Variants in CDC42BPA observed in about 807,000 individuals in gnomAD.
The protein encoded by CDC42BPA is CDC42 binding protein kinase alpha.
Under a neutral mutation model 223.5 loss-of-function variants are expected in CDC42BPA, and 80 were observed. That is an observed-to-expected ratio of 0.36 (90% confidence interval 0.30 to 0.43). The LOEUF (loss-of-function observed/expected upper bound fraction) is 0.43, where lower values mean the gene tolerates loss of function less well. Among genes scored for constraint, CDC42BPA ranks in the 20% least tolerant of loss-of-function variants. The probability of loss-of-function intolerance (pLI) is 1.00; values close to 1 mark genes in which losing one functional copy is unlikely to be tolerated. For missense variants in CDC42BPA, 1,743 were observed against 2,099.9 expected (o/e 0.83, Z 3.32); for synonymous variants, 694 against 718.6 (o/e 0.97, Z 0.55).
chr1:227,306,167 A>G (rs946289181), intron 1 of CDC42BPA, among the ~76,000 whole-genome samples: 1 of 141,210 alleles, frequency 7.1e-6, no homozygotes, highest in African/African-American at 2.6e-5. Context: ...GCTTCCTTCT[A>G]CAAAGGTCTT....
At chr1:227,277,727 G>A (rs78840620) in intron 1 of CDC42BPA, among the ~76,000 whole-genome samples, 2,349 of 152,138 alleles carry the variant, frequency 0.015, 54 homozygotes, top group African/African-American at 0.053. Flanking sequence ...AGAAAACTAG[G>A]AATAGATATA....
intron 34 of CDC42BPA, among the ~76,000 whole-genome samples, chr1:227,015,081 G>A (rs61834004): frequency 0.38 from 58,089 of 151,330 alleles, 11,638 homozygotes; most frequent in Non-Finnish European, 0.46. Context: ...TTAGCCTCCC[G>A]AGTAACCAGG....
chr1:226,990,918 G>C lies in CDC42BPA; in HGVS notation c.*3350C>G, dbSNP rs1279176479. 6.6e-6 allele frequency: 1 copy of C among 152,612 alleles called. No homozygotes were observed. The highest frequency in any genetic ancestry group is 2.4e-5 in the African/African-American group (1 of 41,454). 9.5% of individuals were successfully genotyped at this position (152,612 alleles called of 1,614,324 possible). A position where few individuals can be genotyped will look rare whatever the true frequency, so the allele number is the denominator to read the frequency against. ...CAATAATTGGCTGGAAAACCAAATA[G>C]ATGGGCTCCTTTTAGTTGTATCTCA... On this transcript the variant is annotated 3_prime_UTR_variant, in exon 37 of 37. Transcript: ENST00000366766.
intron 5 of CDC42BPA, among the ~76,000 whole-genome samples, chr1:227,193,334 A>G (rs1670078798): frequency 1.3e-5 from 2 of 152,064 alleles, no homozygotes; most frequent in South Asian, 4.1e-4. Flanking sequence ...TGCTGGGATT[A>G]CAAGCGTGAG....
chr1:227,130,057 G>A (rs540024677), intron 10 of CDC42BPA, among the ~76,000 whole-genome samples: 1 of 151,992 alleles, frequency 6.6e-6, no homozygotes, highest in South Asian at 2.1e-4. Flanking sequence ...AAAATACAAG[G>A]TTTTAAAAAA....
chr1:227,088,194 T>C (rs887302163), intron 16 of CDC42BPA, among the ~76,000 whole-genome samples: 1 of 152,238 alleles, frequency 6.6e-6, no homozygotes, highest in African/African-American at 2.4e-5. Flanking sequence ...TTTGACTTAG[T>C]TTCCTGATCT....
chr1:227,295,890 C>T (rs1223798416), intron 1 of CDC42BPA, among the ~76,000 whole-genome samples: 1 of 152,188 alleles, frequency 6.6e-6, no homozygotes, highest in Non-Finnish European at 1.5e-5. Flanking sequence ...GTACATCAAT[C>T]AGCCAGAACT....
rs369403944 is a variant in CDC42BPA at position 227,297,967 on chromosome 1, T to TATAC, written c.178+19037_178+19038insGTAT. 4.8e-3 allele frequency among the ~76,000 whole-genome samples: 628 copies of TATAC among 132,058 alleles called. 7 individuals carry two copies. The highest frequency in any genetic ancestry group is 5.7e-3 in the East Asian group (27 of 4,748). 86.6% of individuals were successfully genotyped at this position (132,058 alleles called of 152,430 possible). ...GTGTGTGTGTGTGTATATATACATA[T>TATAC]ACACACACACACACATATATACATA... On this transcript the variant is annotated intron_variant, in intron 1 of 36. Coordinates refer to ENST00000366766, the MANE Select transcript of CDC42BPA (RefSeq NM_001394014.1).
At chr1:227,017,259 A>C (rs45553032) in intron 32 of CDC42BPA, among the ~76,000 whole-genome samples, 32,964 of 151,964 alleles carry the variant, frequency 0.22, 3,825 homozygotes, top group African/African-American at 0.26. Flanking sequence ...CTTACAAAAT[A>C]TACTTTCACT....
chr1:227,080,543 C>G (rs1034144594), intron 17 of CDC42BPA, among the ~76,000 whole-genome samples: 1 of 152,084 alleles, frequency 6.6e-6, no homozygotes, highest in African/African-American at 2.4e-5. Context: ...AAAATACTCA[C>G]AAATACAGGA....
intron 14 of CDC42BPA, among the ~76,000 whole-genome samples, chr1:227,111,241 G>A (rs1448946998): frequency 2.6e-5 from 4 of 152,200 alleles, no homozygotes; most frequent in Admixed American, 2.6e-4. Flanking sequence ...AGATATAGCA[G>A]AGAAAACAGG....
intron 3 of CDC42BPA, among the ~76,000 whole-genome samples, chr1:227,202,874 G>T (rs1672033378): frequency 6.6e-6 from 1 of 151,980 alleles, no homozygotes; most frequent in Non-Finnish European, 1.5e-5. Flanking sequence ...AGGCTGAAGT[G>T]AGCTATGATC....
At chr1:227,043,852 A>C (rs1375468980) in intron 23 of CDC42BPA, among the ~76,000 whole-genome samples, 2 of 152,112 alleles carry the variant, frequency 1.3e-5, no homozygotes, top group Non-Finnish European at 2.9e-5. Flanking sequence ...ATCTGTATGG[A>C]GGTTTTTGTA....
At chr1:227,293,686 A>G (rs11800982) in intron 1 of CDC42BPA, among the ~76,000 whole-genome samples, 46,486 of 151,718 alleles carry the variant, frequency 0.31, 7,245 homozygotes, top group East Asian at 0.37. Context: ...TCAGCCGGGC[A>G]TGGTGGCTAC....
At chr1:227,106,501 G>A (rs189764157) in intron 14 of CDC42BPA, among the ~76,000 whole-genome samples, 5 of 152,114 alleles carry the variant, frequency 3.3e-5, no homozygotes, top group African/African-American at 7.2e-5. Flanking sequence ...AATAAGAAAC[G>A]TTGGTCTGTA....
intron 20 of CDC42BPA, among the ~76,000 whole-genome samples, chr1:227,071,245 C>T (rs564284830): frequency 6.6e-6 from 1 of 151,960 alleles, no homozygotes; most frequent in African/African-American, 2.4e-5. Context: ...AGAGACTCCA[C>T]CAGTTTTATC....
intron 5 of CDC42BPA, among the ~76,000 whole-genome samples, chr1:227,162,866 A>ATGTGTGTGTGTGTGTGTGTG (rs71574598): frequency 7.0e-4 from 89 of 127,266 alleles, no homozygotes; most frequent in African/African-American, 1.9e-3. Context: ...AAATAAATAT[A>ATGTGTGTGTGTGTGTGTGTG]TATGTGTGTG....
chr1:227,170,481 T>C (rs1457769912), intron 5 of CDC42BPA, among the ~76,000 whole-genome samples: 2 of 150,840 alleles, frequency 1.3e-5, no homozygotes, highest in Admixed American at 1.3e-4. Context: ...AAAAAAATTG[T>C]TGTTGTTTTA....
At chr1:227,261,136 G>A (rs2718212) in intron 1 of CDC42BPA, among the ~76,000 whole-genome samples, 1 of 29,370 alleles carries the variant, frequency 3.4e-5, no homozygotes, top group African/African-American at 9.6e-5. Context: ...TTTTTTTTGA[G>A]ACAGAGTCTC....
Sources: gnomAD v4.1 joint callset for allele counts (sites outside exome capture counted in the v4.1 genomes callset) on GRCh38, gnomAD v4.1.1 for gene constraint, MANE v1.5 for transcripts, NCBI Gene and HGNC (gene_info 2026-07-23, HGNC 2026-07-21) for gene names.